Variants in CACNA2D3 observed in about 807,000 individuals in gnomAD.
CACNA2D3 encodes the protein calcium voltage-gated channel auxiliary subunit alpha2delta 3, also known as voltage-dependent calcium channel subunit alpha-2/delta-3.
A neutral mutation model predicts 160.6 loss-of-function variants in CACNA2D3; 60 were observed. The observed-to-expected ratio is 0.37, with a 90% CI of 0.30 to 0.46. The LOEUF is 0.46. CACNA2D3 is among the 20% of genes least tolerant of loss of function. The pLI is 1.00. For synonymous variants in CACNA2D3, 558 were observed against 492.9 expected, an observed-to-expected ratio of 1.13 and a Z score of -1.75; for missense variants, 1,205 against 1,365.0, an observed-to-expected ratio of 0.88 and a Z score of 1.85.
intron 11 of CACNA2D3, among the ~76,000 whole-genome samples, chr3:54,689,103 TGTA>T (rs1352336398): frequency 1.3e-5 from 2 of 150,580 alleles, no homozygotes; most frequent in Admixed American, 6.6e-5. Flanking sequence ...TGCTAATAAT[TGTA>T]GTGATGGTCG....
intron 5 of CACNA2D3, among the ~76,000 whole-genome samples, chr3:54,550,948 A>G (rs1702146858): frequency 6.6e-6 from 1 of 152,060 alleles, no homozygotes; most frequent in African/African-American, 2.4e-5. Flanking sequence ...AGGTGCCCTC[A>G]TGTATCCCAT....
At chr3:54,763,769 G>GTATATATACGTATATATATGTA (rs71096448) in intron 12 of CACNA2D3, among the ~76,000 whole-genome samples, 1 of 49,320 alleles carries the variant, frequency 2.0e-5, no homozygotes, top group Admixed American at 2.2e-4. Context: ...ACATATATAT[G>GTATATATACGTATATATATGTA]TATATATGTA....
chr3:54,374,472 C>T (rs1698975526), intron 3 of CACNA2D3, among the ~76,000 whole-genome samples: 1 of 152,218 alleles, frequency 6.6e-6, no homozygotes. Context: ...TGCTGAGAGT[C>T]AGCAGGCATT....
chr3:54,407,487 A>G (rs1166660569), intron 4 of CACNA2D3, among the ~76,000 whole-genome samples: 1 of 152,108 alleles, frequency 6.6e-6, no homozygotes, highest in Non-Finnish European at 1.5e-5. Context: ...CTTAGTTAGG[A>G]CTTGCCACAT....
chr3:54,633,365 C>T (rs1036916252), intron 10 of CACNA2D3, among the ~76,000 whole-genome samples: 2 of 152,154 alleles, frequency 1.3e-5, no homozygotes, highest in African/African-American at 4.8e-5. Context: ...GCCTTAGTTT[C>T]CTACCTGTAA....
chr3:54,484,940 A>C (rs1367054165), intron 4 of CACNA2D3, among the ~76,000 whole-genome samples: 1 of 150,880 alleles, frequency 6.6e-6, no homozygotes, highest in South Asian at 2.1e-4. Flanking sequence ...TCTGCCTTCC[A>C]GGTTCAAGCA....
intron 4 of CACNA2D3, among the ~76,000 whole-genome samples, chr3:54,488,181 G>A (rs1047971818): frequency 2.6e-5 from 4 of 152,200 alleles, no homozygotes; most frequent in Non-Finnish European, 4.4e-5. Context: ...GCTAGATCAA[G>A]CATGACCTTG....
intron 11 of CACNA2D3, among the ~76,000 whole-genome samples, chr3:54,678,720 C>CAAAAAAAAAAAAAAAAAAA (rs71096434): frequency 1.3e-4 from 6 of 45,902 alleles, no homozygotes; most frequent in Non-Finnish European, 2.1e-4. Flanking sequence ...GACTCGGTCT[C>CAAAAAAAAAAAAAAAAAAA]AAAAAAAAAA....
chr3:54,940,697 A>G (rs1701443361), intron 27 of CACNA2D3, among the ~76,000 whole-genome samples: 1 of 152,148 alleles, frequency 6.6e-6, no homozygotes, highest in South Asian at 2.1e-4. Flanking sequence ...AGGCTGTTGT[A>G]TGAAAAGTCT....
intron 13 of CACNA2D3, among the ~76,000 whole-genome samples, chr3:54,766,939 A>G (rs911347720): frequency 1.3e-5 from 2 of 151,422 alleles, no homozygotes; most frequent in African/African-American, 4.8e-5. Context: ...TTTACAAAAA[A>G]AAAAAAGAAA....
At chr3:54,467,077 C>A (rs1461690346) in intron 4 of CACNA2D3, among the ~76,000 whole-genome samples, 6 of 152,058 alleles carry the variant, frequency 3.9e-5, no homozygotes, top group Non-Finnish European at 7.4e-5. Context: ...GTGAGAAGAC[C>A]AGGGTGGGAT....
chr3:54,136,892 C>T (rs1365343612), intron 2 of CACNA2D3, among the ~76,000 whole-genome samples: 6 of 152,194 alleles, frequency 3.9e-5, no homozygotes, highest in Admixed American at 6.5e-5. Context: ...TTTGGTGGTC[C>T]GTGGACCACG....
chr3:54,569,273 A>C (rs1461960641), intron 6 of CACNA2D3, among the ~76,000 whole-genome samples: 1 of 152,226 alleles, frequency 6.6e-6, no homozygotes, highest in African/African-American at 2.4e-5. Flanking sequence ...TTCAATGTGG[A>C]AAGCCAGGCC....
chr3:54,716,907 A>G lies in CACNA2D3; in HGVS notation c.1168-35692A>G, dbSNP rs1043720648. 1.5e-4 allele frequency among the ~76,000 whole-genome samples: 15 copies of G among 102,556 alleles called. No homozygotes were observed. In the South Asian group the frequency reaches 4.6e-3, roughly 31 times the overall value. 67.3% of individuals were successfully genotyped at this position (102,556 alleles called of 152,430 possible). On this transcript the variant is annotated intron_variant, in intron 11 of 37. Coordinates refer to ENST00000474759, the MANE Select transcript of CACNA2D3 (RefSeq NM_018398.3). ...ATAAGGGACGCAAAACTTGTGTGGC[A>G]CTTTTTTTTTTTTTTTAACAAGTTC...
At chr3:54,942,734 A>T in intron 27 of CACNA2D3, among the ~76,000 whole-genome samples, 1 of 151,996 alleles carries the variant, frequency 6.6e-6, no homozygotes, top group South Asian at 2.1e-4. Flanking sequence ...AAAAAAATAA[A>T]AAAAATTAGG....
intron 12 of CACNA2D3, among the ~76,000 whole-genome samples, chr3:54,756,935 A>G (rs2107079027): frequency 6.6e-6 from 1 of 152,270 alleles, no homozygotes; most frequent in East Asian, 1.9e-4. Context: ...TCCTGTCTTG[A>G]GGGAACCAAC....
chr3:54,568,380 C>T (rs1702442179), intron 6 of CACNA2D3, among the ~76,000 whole-genome samples: 1 of 152,164 alleles, frequency 6.6e-6, no homozygotes, highest in Non-Finnish European at 1.5e-5. Context: ...GATCACTCAC[C>T]ACAGTTCAAT....
chr3:54,658,145 G>A (rs1322248879), intron 11 of CACNA2D3, among the ~76,000 whole-genome samples: 1 of 152,200 alleles, frequency 6.6e-6, no homozygotes, highest in Non-Finnish European at 1.5e-5. Flanking sequence ...GTGAACATGG[G>A]TATACAGATA....
chr3:54,350,185 CT>C (rs1162649064), intron 3 of CACNA2D3, among the ~76,000 whole-genome samples: 1 of 151,940 alleles, frequency 6.6e-6, no homozygotes, highest in Non-Finnish European at 1.5e-5. Context: ...GTCTCCTCCT[CT>C]TTTTTTTATT....
Sources: gnomAD v4.1 joint callset for allele counts (sites outside exome capture counted in the v4.1 genomes callset) on GRCh38, gnomAD v4.1.1 for gene constraint, MANE v1.5 for transcripts, NCBI Gene and HGNC (gene_info 2026-07-23, HGNC 2026-07-21) for gene names.